The following TRIM44 variants were observed in gnomAD, a reference collection of about 807,000 sequenced individuals.
TRIM44 encodes the protein tripartite motif-containing protein 44.
Under a neutral mutation model 37.4 loss-of-function variants are expected in TRIM44, and 13 were observed. That is an observed-to-expected ratio of 0.35 (90% CI 0.23 to 0.55). TRIM44 has a LOEUF of 0.55. Ranked by LOEUF, TRIM44 falls within the 20% of genes least tolerant of loss-of-function variation. The probability of loss-of-function intolerance (pLI) is 0.89; values close to 1 mark genes in which losing one functional copy is unlikely to be tolerated. For synonymous variants in TRIM44, 175 were observed against 157.2 expected (o/e 1.11, Z -0.85); for missense variants, 426 against 437.2 (o/e 0.97, Z 0.23).
chr11:35,683,422 G>T (rs760123113), intron 1 of TRIM44, among the ~76,000 whole-genome samples: 18 of 152,084 alleles, frequency 1.2e-4, no homozygotes, highest in Non-Finnish European at 2.4e-4. Flanking sequence ...GTCAGAGGGG[G>T]GAAAATTGAC....
intron 4 of TRIM44, among the ~76,000 whole-genome samples, chr11:35,803,710 G>A (rs771062993): frequency 1.3e-5 from 2 of 152,156 alleles, no homozygotes; most frequent in Non-Finnish European, 2.9e-5. Context: ...GATAGAGCAA[G>A]ACTCCATCTC....
intron 2 of TRIM44, among the ~76,000 whole-genome samples, chr11:35,718,581 T>C (rs1011843134): frequency 6.6e-6 from 1 of 152,166 alleles, no homozygotes; most frequent in Admixed American, 6.5e-5. Flanking sequence ...GACATATCAT[T>C]ATCACCCAAA....
chr11:35,754,043 A>G (rs1158592090), intron 4 of TRIM44, among the ~76,000 whole-genome samples: 1 of 149,858 alleles, frequency 6.7e-6, no homozygotes, highest in African/African-American at 2.5e-5. Context: ...GACTGTCTCA[A>G]ATTTAAAAAA....
At chr11:35,686,136 T>C (rs1269975431) in intron 2 of TRIM44, among the ~76,000 whole-genome samples, 2 of 148,850 alleles carry the variant, frequency 1.3e-5, no homozygotes, top group African/African-American at 4.9e-5. Context: ...TGTCCCGGCT[T>C]TTTTTTTTTA....
chr11:35,662,958 C>T lies in TRIM44; in HGVS notation c.-154C>T. On this transcript the variant is annotated 5_prime_UTR_variant, in exon 1 of 5. Coordinates refer to ENST00000299413, the MANE Select transcript of TRIM44 (RefSeq NM_017583.6). The stretch of plus-strand genomic sequence containing the variant: ...GCTGCTGCGCCCGGGCAGGGGCTGC[C>T]GCGGCCCCAGGTCCCGCTTCGAGAC... The T allele has an allele frequency of 3.1e-6, 4 of 1,297,612 alleles. No individual in the cohort carries two copies. Among genetic ancestry groups the T allele is most frequent in the African/African-American group, 3.1e-5 (2 of 64,654 alleles). The allele number at this position is 1,297,612 out of a possible 1,614,324, so 80.4% of individuals were successfully genotyped here.
intron 4 of TRIM44, among the ~76,000 whole-genome samples, chr11:35,754,118 TGTGA>T (rs1852593791): frequency 6.6e-6 from 1 of 152,208 alleles, no homozygotes; most frequent in Non-Finnish European, 1.5e-5. Flanking sequence ...GCATTTTACA[TGTGA>T]GTATTAGTGT....
chr11:35,663,105 C>T lies in TRIM44; in HGVS notation c.-7C>T, dbSNP rs1851289451. The stretch of plus-strand genomic sequence containing the variant: ...CCCCGAGGCCTTGGCCGCGTCACAG[C>T]ACCCACATGGCCTCTGGAGTGGGCG... On this transcript the variant is annotated 5_prime_UTR_variant, in exon 1 of 5. Transcript: ENST00000299413. 6.7e-7 allele frequency: 1 copy of T among 1,503,630 alleles called. No individual in the cohort carries two copies. The highest frequency in any genetic ancestry group is 1.4e-5 in the African/African-American group (1 of 71,666). 93.1% of individuals were successfully genotyped at this position (1,503,630 alleles called of 1,614,324 possible). A position where few individuals can be genotyped will look rare whatever the true frequency, so the allele number is the denominator to read the frequency against.
chr11:35,747,981 T>G (rs1852511701), intron 4 of TRIM44, among the ~76,000 whole-genome samples: 1 of 152,112 alleles, frequency 6.6e-6, no homozygotes, highest in African/African-American at 2.4e-5. Context: ...GCACAGATGC[T>G]CCAGCCCAGC....
At chr11:35,762,257 ACAAT>A (rs1168012150) in intron 4 of TRIM44, among the ~76,000 whole-genome samples, 7 of 152,174 alleles carry the variant, frequency 4.6e-5, no homozygotes, top group African/African-American at 1.7e-4. Flanking sequence ...TTTTTTTAAA[ACAAT>A]CTTTCTAGAT....
rs115526497 is a variant in TRIM44 at position 35,773,276 on chromosome 11, C to G, written c.1008-33082C>G. Among the ~76,000 whole-genome samples, 1,258 of 152,024 alleles carry G rather than the reference C, an allele frequency of 8.3e-3. 15 individuals are homozygous for G. The highest frequency in any genetic ancestry group is 0.028 in the African/African-American group (1,168 of 41,440). On this transcript the variant is annotated intron_variant, in intron 4 of 4. Coordinates refer to ENST00000299413, the MANE Select transcript of TRIM44 (RefSeq NM_017583.6). ...GTGTCAAAACAGACTAATACAGGTG[C>G]CTTTTTTTTAAAGAAGTATCTATTC...
intron 2 of TRIM44, among the ~76,000 whole-genome samples, chr11:35,713,232 G>A (rs970640221): frequency 3.3e-5 from 5 of 152,110 alleles, no homozygotes; most frequent in African/African-American, 1.2e-4. Flanking sequence ...GTTTACCTCT[G>A]CAGCAGGCAA....
At chr11:35,698,999 A>G (rs868542153) in intron 2 of TRIM44, among the ~76,000 whole-genome samples, 4 of 146,116 alleles carry the variant, frequency 2.7e-5, no homozygotes, top group South Asian at 2.2e-4. Context: ...AGCTTTCTAC[A>G]TATGGCTAGC....
intron 4 of TRIM44, among the ~76,000 whole-genome samples, chr11:35,789,987 TTA>T (rs1173441928): frequency 6.6e-6 from 1 of 152,198 alleles, no homozygotes; most frequent in East Asian, 1.9e-4. Flanking sequence ...AGTTGTAGAA[TTA>T]TGTCATTTGG....
At chr11:35,772,958 T>G (rs1308831380) in intron 4 of TRIM44, among the ~76,000 whole-genome samples, 1 of 152,208 alleles carries the variant, frequency 6.6e-6, no homozygotes, top group African/African-American at 2.4e-5. Context: ...AATCTCATCT[T>G]GAATTTTACT....
intron 2 of TRIM44, among the ~76,000 whole-genome samples, chr11:35,693,958 A>G (rs1167143015): frequency 6.6e-6 from 1 of 152,114 alleles, no homozygotes; most frequent in African/African-American, 2.4e-5. Context: ...CTCCTTACCC[A>G]GGGTCCCCAT....
At chr11:35,744,449 T>C (rs539969722) in intron 4 of TRIM44, among the ~76,000 whole-genome samples, 5 of 152,308 alleles carry the variant, frequency 3.3e-5, no homozygotes, top group Admixed American at 3.3e-4. Flanking sequence ...TTGTATCCTA[T>C]AAATATACAC....
chr11:35,671,821 T>G (rs1851396477), intron 1 of TRIM44, among the ~76,000 whole-genome samples: 1 of 152,252 alleles, frequency 6.6e-6, no homozygotes, highest in South Asian at 2.1e-4. Context: ...AGTTTTGGTC[T>G]GTGGCATTTG....
At chr11:35,688,512 T>C (rs961160901) in intron 2 of TRIM44, among the ~76,000 whole-genome samples, 9 of 152,230 alleles carry the variant, frequency 5.9e-5, no homozygotes, top group African/African-American at 2.2e-4. Flanking sequence ...CATTTTTCTA[T>C]GTAGTACCTT....
In TRIM44 at chr11:35,730,736, T is replaced by A. The variant is rs182259460; in HGVS notation, c.987+4573T>A. Reference sequence around the variant, plus strand: ...TATTAATGGCTTTTATTAAATTTATTCCTAGTTATTTAATATTTTCAGTAC... The same window carrying A: ...TATTAATGGCTTTTATTAAATTTATACCTAGTTATTTAATATTTTCAGTAC... On this transcript the variant is annotated intron_variant, in intron 3 of 4. Transcript: ENST00000299413. Among the ~76,000 whole-genome samples, 440 of 152,282 alleles carry A rather than the reference T, an allele frequency of 2.9e-3. 1 individual carries two copies. The highest frequency in any genetic ancestry group is 9.7e-3 in the African/African-American group (405 of 41,576).
Sources: allele counts gnomAD v4.1 joint callset (sites outside exome capture counted in the v4.1 genomes callset), GRCh38; gene constraint gnomAD v4.1.1; transcripts MANE v1.5; gene names NCBI Gene and HGNC (gene_info 2026-07-23, HGNC 2026-07-21).